The following BABAM2 variants were observed in gnomAD, a reference collection of about 807,000 sequenced individuals.
BABAM2 encodes BRISC and BRCA1 A complex member 2, also known as BRISC and BRCA1-A complex member 2.
BABAM2 carries 31 observed loss-of-function variants against 54.7 expected under a neutral mutation model. That is an observed-to-expected ratio of 0.57 (90% CI 0.43 to 0.77). The LOEUF is 0.77. BABAM2 is among the 30% of genes least tolerant of loss of function. The pLI, the probability that BABAM2 is intolerant of heterozygous loss-of-function variation, is 0.00. For synonymous variants in BABAM2, 167 were observed against 162.9 expected (o/e 1.03, Z -0.19); for missense variants, 364 against 455.8 (o/e 0.80, Z 1.83).
chr2:27,988,811 C>T (rs894979708), intron 4 of BABAM2, among the ~76,000 whole-genome samples: 1 of 152,100 alleles, frequency 6.6e-6, no homozygotes, highest in Non-Finnish European at 1.5e-5. Context: ...TTTATTTCTT[C>T]TCAAATTTGA....
upstream of BABAM2, chr2:27,890,722 GT>G (rs1271862349): frequency 3.2e-5 from 5 of 157,310 alleles, no homozygotes; most frequent in East Asian, 9.3e-4. This position sits in a 1 kb window ranked among gnomAD's most constrained non-coding sequence, Gnocchi z 4.8. Context: ...GGGGCGGGAC[GT>G]CCGGGGAGTG....
chr2:28,176,584 A>AC (rs1465475653), intron 7 of BABAM2, among the ~76,000 whole-genome samples: 1 of 144,302 alleles, frequency 6.9e-6, no homozygotes, highest in Non-Finnish European at 1.5e-5. Context: ...AAAAAAAAAA[A>AC]AAAAAAAAAA....
At chr2:28,193,373 T>C (rs1245163080) in intron 7 of BABAM2, among the ~76,000 whole-genome samples, 1 of 152,268 alleles carries the variant, frequency 6.6e-6, no homozygotes, top group Non-Finnish European at 1.5e-5. Context: ...CAACTCTGCC[T>C]TCACCGAGGG....
At chr2:28,277,703 G>A (rs1256208200) in intron 10 of BABAM2, among the ~76,000 whole-genome samples, 3 of 152,084 alleles carry the variant, frequency 2.0e-5, no homozygotes, top group South Asian at 2.1e-4. Context: ...AAGAGCGTTC[G>A]GGCATGCAGA....
At chr2:28,048,617 A>G (rs980973384) in intron 6 of BABAM2, among the ~76,000 whole-genome samples, 1 of 152,162 alleles carries the variant, frequency 6.6e-6, no homozygotes, top group Admixed American at 6.5e-5. Context: ...ATAGCAGGAA[A>G]CAGTCCATAC....
chr2:28,309,259 G>T (rs1430253874), intron 11 of BABAM2: 1 of 152,150 alleles, frequency 6.6e-6, no homozygotes, highest in Non-Finnish European at 1.5e-5. Context: ...CTGCCATGTG[G>T]TCCCCTCCAT....
chr2:28,115,673 T>C (rs568395412), intron 6 of BABAM2, among the ~76,000 whole-genome samples: 6 of 150,042 alleles, frequency 4.0e-5, no homozygotes, highest in African/African-American at 1.2e-4. Context: ...AAAAAAAGAG[T>C]AGGTCCAATT....
intron 2 of BABAM2, among the ~76,000 whole-genome samples, chr2:27,916,710 T>G (rs1024989837): frequency 2.2e-4 from 33 of 152,216 alleles, no homozygotes; most frequent in African/African-American, 8.0e-4. Flanking sequence ...CTATTTCTCC[T>G]TCCCCTCACT....
intron 7 of BABAM2, among the ~76,000 whole-genome samples, chr2:28,176,070 GAA>G (rs957958334): frequency 6.6e-6 from 1 of 152,108 alleles, no homozygotes; most frequent in African/African-American, 2.4e-5. Context: ...ACATCTTCAG[GAA>G]AAAGTCTTCC....
intron 7 of BABAM2, among the ~76,000 whole-genome samples, chr2:28,211,539 C>T (rs1013749061): frequency 6.6e-6 from 1 of 151,932 alleles, no homozygotes; most frequent in African/African-American, 2.4e-5. Flanking sequence ...AGGCATCTGC[C>T]ACCACGCCCA....
At chr2:28,048,167 A>G (rs2148616173) in intron 6 of BABAM2, among the ~76,000 whole-genome samples, 1 of 152,324 alleles carries the variant, frequency 6.6e-6, no homozygotes, top group East Asian at 1.9e-4. Flanking sequence ...ACTTGAAAAT[A>G]TTGAGTAGTA....
rs1344247281 is a variant in BABAM2, at chr2:28,112,146, T to TTTCTTTCTTTCC, written c.571-17123_571-17122insCTTTCTTTCCTT. Reference sequence around the variant, plus strand: ...CTTTCTTTCTTTCTTTCTTTCTTTCTTTACCTCCCTCCCTCCCTCCCTCCC... The same window carrying TTTCTTTCTTTCC: ...CTTTCTTTCTTTCTTTCTTTCTTTCTTTCTTTCTTTCCTTACCTCCCTCCCTCCCTCCCTCCC... On this transcript the variant is annotated intron_variant, in intron 6 of 11. Transcript: ENST00000379624. Among the ~76,000 whole-genome samples, 83 of 10,556 alleles carry TTTCTTTCTTTCC rather than the reference T, an allele frequency of 7.9e-3. 21 individuals are homozygous for TTTCTTTCTTTCC. Among genetic ancestry groups the TTTCTTTCTTTCC allele is most frequent in the Admixed American group, 0.013 (11 of 846 alleles). 6.9% of individuals were successfully genotyped at this position (10,556 alleles called of 152,430 possible).
At position 27,953,573 on chromosome 2, in the gene BABAM2, TGA is replaced by T. The variant is rs541818167; in HGVS notation, c.205+23666_205+23667del. Among the ~76,000 whole-genome samples the T allele has an allele frequency of 6.3e-3, 950 of 151,874 alleles. 4 individuals carry two copies. Among genetic ancestry groups the T allele is most frequent in the Non-Finnish European group, 7.8e-3 (533 of 67,956 alleles). ...TCCCAAAGTGCTGGGATTATAGGCATGAACCACCGCACTGGGCCCACACTTCT... is the reference window on the plus strand; with the variant it reads ...TCCCAAAGTGCTGGGATTATAGGCATACCACCGCACTGGGCCCACACTTCT... On this transcript the variant is annotated intron_variant, in intron 3 of 11. Transcript: ENST00000379624.
At chr2:28,234,150 C>G (rs886781189) in intron 7 of BABAM2, among the ~76,000 whole-genome samples, 1 of 152,156 alleles carries the variant, frequency 6.6e-6, no homozygotes, top group Admixed American at 6.5e-5. Flanking sequence ...TTACCTATGT[C>G]TAGTTGTGTG....
chr2:27,942,297 T>C (rs1254058230), intron 3 of BABAM2, among the ~76,000 whole-genome samples: 1 of 152,210 alleles, frequency 6.6e-6, no homozygotes, highest in African/African-American at 2.4e-5. Flanking sequence ...ACTTTATTGA[T>C]TTATCTCATC....
At chr2:27,996,501 G>A (rs1452882221) in intron 4 of BABAM2, 1 of 154,826 alleles carries the variant, frequency 6.5e-6, no homozygotes, top group African/African-American at 2.4e-5. Flanking sequence ...CACAAGCAGT[G>A]TGGATCTCAA....
chr2:28,203,397 T>C (rs1185793301), intron 7 of BABAM2, among the ~76,000 whole-genome samples: 1 of 152,218 alleles, frequency 6.6e-6, no homozygotes, highest in African/African-American at 2.4e-5. Context: ...AAATAATTCC[T>C]GCAAATGGTT....
chr2:28,055,537 A>G (rs771135810), intron 6 of BABAM2, among the ~76,000 whole-genome samples: 3 of 152,220 alleles, frequency 2.0e-5, no homozygotes, highest in African/African-American at 4.8e-5. Context: ...ACTTGCCTTA[A>G]GTTTCCAAAT....
intron 11 of BABAM2, among the ~76,000 whole-genome samples, chr2:28,317,010 C>T (rs11902458): frequency 0.54 from 81,312 of 151,906 alleles, 22,279 homozygotes; most frequent in African/African-American, 0.61. Flanking sequence ...GGTTTCTGGG[C>T]ATTTTCACTG....
Sources: allele counts gnomAD v4.1 joint callset (sites outside exome capture counted in the v4.1 genomes callset), GRCh38; gene constraint gnomAD v4.1.1; non-coding constraint Gnocchi (gnomAD v3.1); transcripts MANE v1.5; gene names NCBI Gene and HGNC (gene_info 2026-07-23, HGNC 2026-07-21).